LINGO1: variants seen among roughly 807,000 people sequenced by gnomAD.
LINGO1 encodes leucine-rich repeat and immunoglobulin-like domain-containing nogo receptor-interacting protein 1.
Under a neutral mutation model 37.3 loss-of-function variants are expected in LINGO1, and 11 were observed. That is an observed-to-expected ratio of 0.29 (90% CI 0.19 to 0.49). The LOEUF is 0.49. Among genes scored for constraint, LINGO1 ranks in the 20% least tolerant of loss-of-function variants. The pLI, the probability that LINGO1 is intolerant of heterozygous loss-of-function variation, is 0.99. For synonymous variants in LINGO1, 387 were observed against 403.0 expected, an observed-to-expected ratio of 0.96 and a Z score of 0.48; for missense variants, 585 against 878.2, an observed-to-expected ratio of 0.67 and a Z score of 4.22.
Position 77,632,308 on chromosome 15 carries a change from A to G in LINGO1, c.6+2T>C. 7.0e-7 allele frequency: 1 copy of G among 1,436,944 alleles called. No individual in the cohort carries two copies. The highest frequency in any genetic ancestry group is 1.4e-5 in the South Asian group (1 of 71,928). 89.0% of individuals were successfully genotyped at this position (1,436,944 alleles called of 1,614,324 possible). On this transcript the variant is annotated splice_donor_variant, in intron 1 of 1. Coordinates refer to ENST00000355300, the MANE Select transcript of LINGO1 (RefSeq NM_032808.7). LOFTEE classifies it high-confidence loss of function. This position sits in a 1 kb window ranked among gnomAD's most constrained non-coding sequence, Gnocchi z 6.0. ...GGGCTCGGCCGCGGCCGCCTGGCTC[A>G]CCTGCATCTCGGGCGCGCCTTCGGT... is the stretch of plus-strand genomic sequence containing the variant.
chr15:77,656,764 G>A (rs1196827786), intron 3 of LINGO1, among the ~76,000 whole-genome samples: 1 of 152,214 alleles, frequency 6.6e-6, no homozygotes, highest in African/African-American at 2.4e-5. Flanking sequence ...CTCTGGCTTT[G>A]TCCATGATAC....
chr15:77,624,245 C>G (rs998763021), intron 1 of LINGO1, among the ~76,000 whole-genome samples: 2 of 151,054 alleles, frequency 1.3e-5, no homozygotes, highest in East Asian at 1.9e-4. Flanking sequence ...TGAGTGGCCT[C>G]TGTGTGTGTG....
intron 3 of LINGO1, among the ~76,000 whole-genome samples, chr15:77,663,861 G>A (rs2075053618): frequency 6.6e-6 from 1 of 152,178 alleles, no homozygotes; most frequent in South Asian, 2.1e-4. Context: ...TGAGTCCTGG[G>A]GCCTGGCAGA....
intron 2 of LINGO1, among the ~76,000 whole-genome samples, chr15:77,730,560 C>T (rs2076144693): frequency 6.6e-6 from 1 of 152,240 alleles, no homozygotes; most frequent in Non-Finnish European, 1.5e-5. Flanking sequence ...GCCTCTCTGT[C>T]CCTCTATATC....
chr15:77,616,320 C>A (rs979861173), intron 1 of LINGO1, among the ~76,000 whole-genome samples: 4 of 152,200 alleles, frequency 2.6e-5, no homozygotes, highest in African/African-American at 9.6e-5. Flanking sequence ...ATCAAAGGGG[C>A]TCAAGGGCTG....
At chr15:77,741,198 A>G (rs1235477499) in intron 1 of LINGO1, among the ~76,000 whole-genome samples, 2 of 152,194 alleles carry the variant, frequency 1.3e-5, no homozygotes, top group African/African-American at 4.8e-5. Flanking sequence ...CACCCTGCAA[A>G]AAGCCCCAGA....
In LINGO1 at chr15:77,716,298, T is replaced by TTTTG. The variant is rs1414009888; in HGVS notation, c.-195+18693_-195+18694insCAAA. On this transcript the variant is annotated intron_variant, in intron 2 of 3. Coordinates refer to the LINGO1 transcript ENST00000561686. ...TCTTCTTCTTTTTTTTTTTTTTTTT[T>TTTTG]GAGACAGGGTCTCACTCTGTCACCC... Among the ~76,000 whole-genome samples, 398 of 145,126 alleles carry TTTTG rather than the reference T, an allele frequency of 2.7e-3. 4 individuals are homozygous for TTTTG. The highest frequency in any genetic ancestry group is 9.7e-3 in the African/African-American group (389 of 40,126).
chr15:77,794,900 T>C, intron 2 of LINGO1, among the ~76,000 whole-genome samples: 1 of 152,172 alleles, frequency 6.6e-6, no homozygotes, highest in East Asian at 1.9e-4. Context: ...CAAGGCCTAG[T>C]GCCTGGGAAG....
At chr15:77,772,322 T>A (rs8035460) in intron 1 of LINGO1, among the ~76,000 whole-genome samples, 2 of 152,090 alleles carry the variant, frequency 1.3e-5, no homozygotes, top group South Asian at 4.1e-4. Context: ...CCACCAACCC[T>A]TAAAATTCCA....
chr15:77,682,436 G>C (rs1486256356), intron 2 of LINGO1, among the ~76,000 whole-genome samples: 1 of 151,988 alleles, frequency 6.6e-6, no homozygotes, highest in Non-Finnish European at 1.5e-5. Context: ...ATGTGTGCAC[G>C]TATGTGTTCC....
intron 2 of LINGO1, among the ~76,000 whole-genome samples, chr15:77,728,060 G>A (rs1221381748): frequency 1.3e-5 from 2 of 152,180 alleles, no homozygotes; most frequent in Admixed American, 6.5e-5. Flanking sequence ...CCTCTTACCA[G>A]GCCTCTTCAG....
intron 1 of LINGO1, among the ~76,000 whole-genome samples, chr15:77,740,303 T>C (rs1206677347): frequency 1.3e-5 from 2 of 152,108 alleles, no homozygotes; most frequent in East Asian, 3.9e-4. Flanking sequence ...GCCATCCAAT[T>C]AGAGCCTCTC....
At chr15:77,802,783 C>A (rs1313498444) in intron 1 of LINGO1, among the ~76,000 whole-genome samples, 1 of 152,136 alleles carries the variant, frequency 6.6e-6, no homozygotes, top group East Asian at 1.9e-4. Flanking sequence ...TCCACACTCA[C>A]CCATGTTCCA....
intron 1 of LINGO1, among the ~76,000 whole-genome samples, chr15:77,743,618 A>T (rs1023713059): frequency 1.3e-5 from 2 of 152,216 alleles, no homozygotes; most frequent in Non-Finnish European, 2.9e-5. Flanking sequence ...ACCTTTAGAC[A>T]GTCAAATTAC....
At chr15:77,792,080 G>A (rs568831312) in intron 2 of LINGO1, among the ~76,000 whole-genome samples, 1 of 152,240 alleles carries the variant, frequency 6.6e-6, no homozygotes, top group African/African-American at 2.4e-5. Flanking sequence ...CGCAGCTGCA[G>A]GCTTACTGTC....
intron 1 of LINGO1, among the ~76,000 whole-genome samples, chr15:77,814,217 A>G (rs1034770638): frequency 2.6e-5 from 4 of 152,096 alleles, no homozygotes; most frequent in African/African-American, 9.7e-5. Context: ...CCCAGTCTCC[A>G]CCCCAGAAGT....
rs1341842405 is a variant in LINGO1 at position 77,757,050 on chromosome 15, A to T, written c.-256-21997T>A. On this transcript the variant is annotated intron_variant, in intron 1 of 3. Coordinates refer to the LINGO1 transcript ENST00000561686. Reference sequence around the variant, plus strand: ...TAGGAAATGAAGCCCAAGCCTGGGAAGGATCCCACAGTCTTTGGGCAAGGT... The same window carrying T: ...TAGGAAATGAAGCCCAAGCCTGGGATGGATCCCACAGTCTTTGGGCAAGGT... Among the ~76,000 whole-genome samples, 8 of 152,312 alleles carry T rather than the reference A, an allele frequency of 5.3e-5. 1 individual carries two copies. In the East Asian group the frequency reaches 1.5e-3, roughly 29 times the overall value.
chr15:77,751,949 G>A (rs1356144540), intron 1 of LINGO1, among the ~76,000 whole-genome samples: 1 of 152,168 alleles, frequency 6.6e-6, no homozygotes, highest in African/African-American at 2.4e-5. Context: ...ATCTCACCAA[G>A]CCCAGGAGCC....
intron 1 of LINGO1, among the ~76,000 whole-genome samples, chr15:77,812,325 G>A (rs1796805984): frequency 2.0e-5 from 3 of 152,208 alleles, no homozygotes. Flanking sequence ...CCTACCGGTG[G>A]AGCAGAAATG....
Sources: gnomAD v4.1 joint callset for allele counts (sites outside exome capture counted in the v4.1 genomes callset) on GRCh38, gnomAD v4.1.1 for gene constraint, Gnocchi (gnomAD v3.1) non-coding constraint, MANE v1.5 for transcripts, NCBI Gene and HGNC (gene_info 2026-07-23, HGNC 2026-07-21) for gene names.